Variants in UBE2E2 observed in about 807,000 individuals in gnomAD.
UBE2E2 encodes the protein ubiquitin-conjugating enzyme E2 E2.
UBE2E2 carries 6 observed loss-of-function variants against 24.7 expected under a neutral mutation model. The ratio of observed to expected loss-of-function variants is 0.24; its 90% confidence interval spans 0.13 to 0.48. The LOEUF (loss-of-function observed/expected upper bound fraction) is 0.48. Among genes scored for constraint, UBE2E2 ranks in the 20% least tolerant of loss-of-function variants. UBE2E2 has a pLI of 0.99. For missense variants in UBE2E2, 169 were observed against 245.0 expected (o/e 0.69, Z 2.07); for synonymous variants, 104 against 83.6 (o/e 1.24, Z -1.33).
intron 3 of UBE2E2, among the ~76,000 whole-genome samples, chr3:23,482,577 A>C (rs968297187): frequency 6.6e-6 from 1 of 152,172 alleles, no homozygotes; most frequent in Non-Finnish European, 1.5e-5. Context: ...CTGTCTTCCT[A>C]ACCTTTGCTG....
intron 5 of UBE2E2, among the ~76,000 whole-genome samples, chr3:23,553,357 G>A (rs1695695719): frequency 6.6e-6 from 1 of 152,028 alleles, no homozygotes; most frequent in South Asian, 2.1e-4. Flanking sequence ...TGAGCATGTG[G>A]TAAAGCGGCA....
At chr3:23,365,807 C>T (rs1696243286) in intron 3 of UBE2E2, among the ~76,000 whole-genome samples, 1 of 152,154 alleles carries the variant, frequency 6.6e-6, no homozygotes. Context: ...ATAGCCAAAG[C>T]AGTCCTAAGC....
chr3:23,508,700 A>C (rs996270169), intron 4 of UBE2E2, among the ~76,000 whole-genome samples: 2 of 152,226 alleles, frequency 1.3e-5, no homozygotes, highest in South Asian at 2.1e-4. Context: ...GTGCTTCTCC[A>C]TGCCCTGGAG....
At chr3:23,357,613 A>G (rs542879959) in intron 3 of UBE2E2, among the ~76,000 whole-genome samples, 2 of 152,224 alleles carry the variant, frequency 1.3e-5, no homozygotes, top group South Asian at 4.1e-4. Context: ...CATTAAATCC[A>G]TTAATTCTCT....
chr3:23,385,560 T>C (rs562227666), intron 3 of UBE2E2, among the ~76,000 whole-genome samples: 3 of 152,192 alleles, frequency 2.0e-5, no homozygotes, highest in East Asian at 1.9e-4. Flanking sequence ...TAATGTCAGG[T>C]GTATCTCACA....
intron 3 of UBE2E2, among the ~76,000 whole-genome samples, chr3:23,364,340 G>A (rs1696201579): frequency 6.6e-6 from 1 of 152,016 alleles, no homozygotes; most frequent in African/African-American, 2.4e-5. Flanking sequence ...TACAGAAATT[G>A]ATTCTTTGAA....
At chr3:23,362,067 C>T (rs1459285894) in intron 3 of UBE2E2, among the ~76,000 whole-genome samples, 1 of 151,940 alleles carries the variant, frequency 6.6e-6, no homozygotes, top group Non-Finnish European at 1.5e-5. Context: ...AAGAAGGGGC[C>T]AAAATGGTGA....
intron 3 of UBE2E2, among the ~76,000 whole-genome samples, chr3:23,268,582 G>A (rs1217577358): frequency 7.5e-5 from 11 of 147,198 alleles, no homozygotes; most frequent in Non-Finnish European, 1.0e-4. Flanking sequence ...AACATTCCAT[G>A]CTCATGGGTA....
chr3:23,528,095 G>A (rs925189998), intron 4 of UBE2E2, among the ~76,000 whole-genome samples: 2 of 152,108 alleles, frequency 1.3e-5, no homozygotes, highest in Admixed American at 6.5e-5. Flanking sequence ...TCTAAATCCA[G>A]GTGGATAGTA....
At chr3:23,317,517 G>A (rs1008657446) in intron 3 of UBE2E2, among the ~76,000 whole-genome samples, 5 of 152,142 alleles carry the variant, frequency 3.3e-5, no homozygotes, top group Non-Finnish European at 7.3e-5. Flanking sequence ...CCGGAGACCG[G>A]GTGATTTATA....
chr3:23,297,743 T>G (rs1029402852), intron 3 of UBE2E2, among the ~76,000 whole-genome samples: 2 of 152,220 alleles, frequency 1.3e-5, no homozygotes, highest in African/African-American at 2.4e-5. Context: ...TTTGTTCTTT[T>G]GGCTTAGGAT....
rs572706680 is a variant in UBE2E2 at position 23,318,943 on chromosome 3, A to G, written c.227+101631A>G. Among the ~76,000 whole-genome samples the G allele has an allele frequency of 4.6e-5, 7 of 152,294 alleles. No individual in the cohort carries two copies. The East Asian group carries it at 1.3e-3, about 29-fold the overall frequency. Reference sequence around the variant, plus strand: ...ATTAATTTCTCTTTACATAGTTTTGAGTATTATTTTAAGATTGCATCTTTT... The same window carrying G: ...ATTAATTTCTCTTTACATAGTTTTGGGTATTATTTTAAGATTGCATCTTTT... On this transcript the variant is annotated intron_variant, in intron 3 of 5. Transcript: ENST00000396703.
chr3:23,490,249 A>G (rs1335624875), intron 3 of UBE2E2, among the ~76,000 whole-genome samples: 1 of 152,226 alleles, frequency 6.6e-6, no homozygotes, highest in Non-Finnish European at 1.5e-5. Context: ...TACATGTTGA[A>G]CATCTGAAAT....
At chr3:23,204,133 C>G (rs1360950376) in intron 1 of UBE2E2, among the ~76,000 whole-genome samples, 2 of 151,920 alleles carry the variant, frequency 1.3e-5, no homozygotes, top group African/African-American at 4.8e-5. Context: ...GTCCTCTCCC[C>G]CTTCCCGCCC....
intron 3 of UBE2E2, among the ~76,000 whole-genome samples, chr3:23,221,737 A>G (rs1433305794): frequency 6.6e-6 from 1 of 152,058 alleles, no homozygotes; most frequent in African/African-American, 2.4e-5. Context: ...CCTGGATTCA[A>G]GCGATTCTCC....
chr3:23,588,708 G>C (rs1420754710), intron 5 of UBE2E2, among the ~76,000 whole-genome samples: 1 of 152,020 alleles, frequency 6.6e-6, no homozygotes, highest in South Asian at 2.1e-4. Flanking sequence ...CTGGCTCCAA[G>C]CCCTGCTCCA....
chr3:23,521,552 A>G (rs1290671222), intron 4 of UBE2E2, among the ~76,000 whole-genome samples: 36 of 152,238 alleles, frequency 2.4e-4, no homozygotes, highest in Admixed American at 2.4e-3. Flanking sequence ...ATAGCCCCAC[A>G]TAATGGTTGT....
chr3:23,548,796 T>G (rs1695578122), intron 5 of UBE2E2, among the ~76,000 whole-genome samples: 1 of 152,232 alleles, frequency 6.6e-6, no homozygotes, highest in Admixed American at 6.5e-5. Flanking sequence ...TAAGAGTAGC[T>G]TTATTTATTA....
intron 3 of UBE2E2, among the ~76,000 whole-genome samples, chr3:23,348,941 C>T (rs17013099): frequency 0.041 from 6,214 of 152,192 alleles, 441 homozygotes; most frequent in African/African-American, 0.14. Context: ...TCTGCACACT[C>T]CAGGGTAATG....
Sources: gnomAD v4.1 joint callset for allele counts (sites outside exome capture counted in the v4.1 genomes callset) on GRCh38, gnomAD v4.1.1 for gene constraint, MANE v1.5 for transcripts, NCBI Gene and HGNC (gene_info 2026-07-23, HGNC 2026-07-21) for gene names.